Variants in CENPI observed in about 807,000 individuals in gnomAD.
CENPI encodes the protein centromere protein I.
CENPI carries 4 observed loss-of-function variants against 60.4 expected under a neutral mutation model. That is an observed-to-expected ratio of 0.07 (90% CI 0.03 to 0.15). The LOEUF (loss-of-function observed/expected upper bound fraction) is 0.15. Among genes scored for constraint, CENPI ranks in the 10% least tolerant of loss-of-function variants. The pLI is 1.00. For synonymous variants in CENPI, 157 were observed against 189.4 expected (o/e 0.83, Z 1.40); for missense variants, 444 against 534.5 (o/e 0.83, Z 1.67).
Position 101,162,985 on chromosome X carries a change from C to T in CENPI, c.*18C>T, listed in dbSNP as rs201414944. 938 of 1,200,730 alleles carry T rather than the reference C, an allele frequency of 7.8e-4. No homozygotes were observed. Among genetic ancestry groups the T allele is most frequent in the Non-Finnish European group, 1.0e-3 (906 of 889,424 alleles). ...AATATTAAATGAATGTTGACATAAA[C>T]TGAACACACTGGACTAAACTCACTC... is the stretch of plus-strand genomic sequence containing the variant. On this transcript the variant is annotated 3_prime_UTR_variant, in exon 22 of 22. Transcript: ENST00000682095.
chrX:101,135,980 A>G (rs758955358), intron 15 of CENPI, among the ~76,000 whole-genome samples: 17 of 112,238 alleles, frequency 1.5e-4, no homozygotes, highest in African/African-American at 5.2e-4. Context: ...GCCTTGGCCT[A>G]CCAGAGTGCT....
At chrX:101,104,548 C>T (rs957516437) in intron 4 of CENPI, among the ~76,000 whole-genome samples, 4 of 111,430 alleles carry the variant, frequency 3.6e-5, no homozygotes, top group Non-Finnish European at 7.5e-5. Flanking sequence ...TACCACATTG[C>T]TGCTTTTTTT....
chrX:101,178,289 A>G, the CENPI span, among the ~76,000 whole-genome samples: 2 of 108,475 alleles, frequency 1.8e-5, no homozygotes, highest in Non-Finnish European at 3.8e-5. Flanking sequence ...TTGAAATACG[A>G]TTATCTACTT....
At chrX:101,129,891 T>C in intron 12 of CENPI, 91 bp from the exon 13 acceptor site, 1 of 607,385 alleles carries the variant, frequency 1.6e-6, no homozygotes, top group African/African-American at 2.2e-5. Flanking sequence ...GCTTTTTTAC[T>C]TTGTCACTTG....
chrX:101,162,682 G>C, intron 21 of CENPI, 151 bp from the exon 22 acceptor site: 1 of 554,899 alleles, frequency 1.8e-6, no homozygotes, highest in Non-Finnish European at 2.9e-6. Context: ...TGGTTTAAAT[G>C]TTACTTAGTG....
chrX:101,121,802 C>CTT (rs746498873), intron 8 of CENPI, among the ~76,000 whole-genome samples: 27 of 79,588 alleles, frequency 3.4e-4, no homozygotes, highest in East Asian at 8.0e-4. Context: ...TCTAGGAAAG[C>CTT]TTTTTTTTTT....
chrX:101,136,109 C>T (rs1486802529), intron 15 of CENPI, among the ~76,000 whole-genome samples: 3 of 112,239 alleles, frequency 2.7e-5, no homozygotes, highest in Non-Finnish European at 5.6e-5. Context: ...AAAGAAGGGG[C>T]TTATATTCTG....
chrX:101,153,782 CT>C (rs1355112629), intron 20 of CENPI, among the ~76,000 whole-genome samples: 1 of 111,654 alleles, frequency 9.0e-6, no homozygotes, highest in Non-Finnish European at 1.9e-5. Flanking sequence ...TGAAATTTCA[CT>C]TTTTTTTCCT....
chrX:101,122,845 G>A (rs975958085), intron 8 of CENPI, among the ~76,000 whole-genome samples: 1 of 111,716 alleles, frequency 9.0e-6, no homozygotes, highest in Non-Finnish European at 1.9e-5. Flanking sequence ...CAGCCTGGGC[G>A]ACAGGGCAAG....
At chrX:101,158,883 G>A (rs946991713) in intron 20 of CENPI, among the ~76,000 whole-genome samples, 3 of 108,416 alleles carry the variant, frequency 2.8e-5, no homozygotes, top group East Asian at 3.0e-4. Context: ...CACCCGCCTC[G>A]GCCTCCCAAA....
At chrX:101,101,615 A>G (rs778115514) in intron 3 of CENPI, among the ~76,000 whole-genome samples, 1 of 109,182 alleles carries the variant, frequency 9.2e-6, no homozygotes, top group Non-Finnish European at 1.9e-5. Context: ...ATCTACTCTT[A>G]GACTTTCTGA....
chrX:101,144,940 C>T (rs1056281226), intron 16 of CENPI, 124 bp from the exon 17 acceptor site: 21 of 524,719 alleles, frequency 4.0e-5, no homozygotes, highest in African/African-American at 3.8e-4. Flanking sequence ...GTGAATTATA[C>T]GTTGGAGCAC....
rs2089739862 is a variant in CENPI, at chrX:101,126,721, C to T, written c.700C>T (p.His234Tyr). ...TATTTTATTTCAGGGAATGCAGCCT[C>T]ATCTCCAGGCTTTGTTGTCACTGTA... is the stretch of plus-strand genomic sequence containing the variant. ...DLQAKMGMQP[H>Y]LQALLSLYKF... The change falls in exon 9 of 22, where the codon CAT (histidine) becomes TAT (tyrosine). Residue 234 changes from histidine (H) to tyrosine (Y), a missense_variant. Coordinates refer to ENST00000682095, the MANE Select transcript of CENPI (RefSeq NM_001386188.2). The T allele has an allele frequency of 8.3e-7, 1 of 1,205,538 alleles. No homozygotes were observed. Among genetic ancestry groups the T allele is most frequent in the African/African-American group, 1.7e-5 (1 of 57,782 alleles).
At position 101,109,490 on chromosome X, in the gene CENPI, C is replaced by T. The variant is rs1239894051; in HGVS notation, c.382C>T (p.Arg128Trp). 1.7e-5 allele frequency: 21 copies of T among 1,200,841 alleles called. No individual in the cohort carries two copies. Among genetic ancestry groups the T allele is most frequent in the South Asian group, 3.5e-5 (2 of 56,458 alleles). Residue 128 changes from arginine (R) to tryptophan (W), a missense_variant, in exon 5 of 22, where the codon CGG (arginine) becomes TGG (tryptophan). Arg to Trp is a moderately radical substitution (Grantham distance 101, BLOSUM62 -3). Transcript: ENST00000682095. ...SGKFGNAVNT[R>W]ILKCMIPATV... ...CTTTCCAGGAAATGCTGTAAACACACGGATATTGAAGTGCATGATCCCAGC... is the reference window on the plus strand; with the variant it reads ...CTTTCCAGGAAATGCTGTAAACACATGGATATTGAAGTGCATGATCCCAGC...
At chrX:101,170,597 G>C (rs1355677904), downstream of CENPI, among the ~76,000 whole-genome samples, 1 of 111,650 alleles carries the variant, frequency 9.0e-6, no homozygotes, top group Admixed American at 9.6e-5. Flanking sequence ...TGTTAAGATA[G>C]CAATACACCC....
chrX:101,135,814 G>A (rs892592281), intron 15 of CENPI, among the ~76,000 whole-genome samples: 7 of 111,380 alleles, frequency 6.3e-5, no homozygotes, highest in African/African-American at 2.0e-4. Flanking sequence ...TCCGCCTAGC[G>A]GGTTCAAGCG....
rs187513719 is a variant in CENPI at position 101,138,479 on chromosome X, A to G, written c.1471-2187A>G. On this transcript the variant is annotated intron_variant, in intron 15 of 21. Coordinates refer to ENST00000682095, the MANE Select transcript of CENPI (RefSeq NM_001386188.2). ...CAGCCTCCTGAGTAGCTGGGATTAC[A>G]GACATGCCCAGCTAATTTTTGTATT... Among the ~76,000 whole-genome samples the G allele has an allele frequency of 7.0e-3, 771 of 109,713 alleles. 1 individual carries two copies. The highest frequency in any genetic ancestry group is 0.012 in the Non-Finnish European group (619 of 52,547).
chrX:101,130,645 A>G (rs977439293), intron 13 of CENPI, among the ~76,000 whole-genome samples: 1 of 112,666 alleles, frequency 8.9e-6, no homozygotes, highest in African/African-American at 3.2e-5. Flanking sequence ...TATTCAGTTA[A>G]CTGAATTAGC....
intron 20 of CENPI, among the ~76,000 whole-genome samples, chrX:101,152,091 G>T: frequency 9.1e-6 from 1 of 110,030 alleles, no homozygotes; most frequent in East Asian, 2.9e-4. Context: ...TTGAGATGGA[G>T]TCTCGCTCTG....
Sources: gnomAD v4.1 joint callset for allele counts (sites outside exome capture counted in the v4.1 genomes callset) on GRCh38, gnomAD v4.1.1 for gene constraint, MANE v1.5 for transcripts, NCBI Gene and HGNC (gene_info 2026-07-23, HGNC 2026-07-21) for gene names.